The following ARHGAP44 variants were observed in gnomAD, a reference collection of about 807,000 sequenced individuals.
The protein encoded by ARHGAP44 is Rho GTPase activating protein 44.
Under a neutral mutation model 106.8 loss-of-function variants are expected in ARHGAP44, and 43 were observed. The ratio of observed to expected loss-of-function variants is 0.40; its 90% CI spans 0.32 to 0.52. The LOEUF is 0.52. Among genes scored for constraint, ARHGAP44 ranks in the 20% least tolerant of loss-of-function variants. The probability of loss-of-function intolerance (pLI) is 0.48; values close to 1 mark genes in which losing one functional copy is unlikely to be tolerated. For missense variants in ARHGAP44, 866 were observed against 1,050.5 expected, an observed-to-expected ratio of 0.82 and a Z score of 2.43; for synonymous variants, 439 against 410.3, an observed-to-expected ratio of 1.07 and a Z score of -0.85.
chr17:12,866,113 G>A (rs1407255383), intron 1 of ARHGAP44, among the ~76,000 whole-genome samples: 1 of 152,084 alleles, frequency 6.6e-6, no homozygotes, highest in African/African-American at 2.4e-5. Context: ...AATGGATCAG[G>A]GGAGAAGACT....
At chr17:12,839,168 A>G (rs2035323941) in intron 1 of ARHGAP44, among the ~76,000 whole-genome samples, 3 of 152,154 alleles carry the variant, frequency 2.0e-5, no homozygotes, top group Admixed American at 6.5e-5. Flanking sequence ...ACACAAGTGA[A>G]AGGAAGATTG....
intron 1 of ARHGAP44, among the ~76,000 whole-genome samples, chr17:12,802,955 ATATATATATATATATT>A (rs1397439426): frequency 1.4e-4 from 3 of 22,102 alleles, no homozygotes; most frequent in African/African-American, 5.9e-4. Flanking sequence ...ATATATATAT[ATATATATATATATATT>A]TTTTTTTTTT....
intron 3 of ARHGAP44, 103 bp from the exon 4 acceptor site, chr17:12,908,794 T>C (rs1023230244): frequency 1.9e-5 from 16 of 863,294 alleles, no homozygotes; most frequent in Non-Finnish European, 3.0e-5. Flanking sequence ...GCTTGTTTCA[T>C]AGTTAATATA....
At chr17:12,987,023 T>G (rs1454757233) in intron 20 of ARHGAP44, 1 of 334,356 alleles carries the variant, frequency 3.0e-6, no homozygotes, top group Non-Finnish European at 4.3e-6. Context: ...TGGCATAGCT[T>G]TTTTTTTTTT....
intron 1 of ARHGAP44, among the ~76,000 whole-genome samples, chr17:12,812,649 AT>A (rs2034473544): frequency 6.6e-6 from 1 of 152,204 alleles, no homozygotes; most frequent in African/African-American, 2.4e-5. Flanking sequence ...AAGAGAAATA[AT>A]TTCTGTATGG....
At chr17:12,810,450 A>G (rs2034404063) in intron 1 of ARHGAP44, among the ~76,000 whole-genome samples, 1 of 152,212 alleles carries the variant, frequency 6.6e-6, no homozygotes, top group Non-Finnish European at 1.5e-5. Context: ...TTATGCTAAT[A>G]TGGTGACTCA....
Position 12,949,610 on chromosome 17 carries a change from A to G in ARHGAP44, c.974-39A>G, listed in dbSNP as rs1262348015. On this transcript the variant is annotated intron_variant, in intron 11 of 20. Transcript: ENST00000379672. This position sits in a 1 kb window ranked among gnomAD's most constrained non-coding sequence, Gnocchi z 4.1. ...GGCTGGTGGGTCTTGCCTCTGCCAC[A>G]TCATAACAGTTCACAACCAATATTT... 6.2e-7 allele frequency: 1 copy of G among 1,603,182 alleles called. No individual in the cohort carries two copies. Among genetic ancestry groups the G allele is most frequent in the Non-Finnish European group, 8.5e-7 (1 of 1,170,970 alleles).
chr17:12,985,671 A>C (rs961109462), intron 20 of ARHGAP44: 4 of 152,214 alleles, frequency 2.6e-5, no homozygotes, highest in Middle Eastern at 3.2e-3. Context: ...CAACCACATA[A>C]GATTATAAAG....
intron 1 of ARHGAP44, among the ~76,000 whole-genome samples, chr17:12,828,162 A>G (rs1239190408): frequency 1.3e-5 from 2 of 152,106 alleles, no homozygotes; most frequent in Non-Finnish European, 2.9e-5. Flanking sequence ...AAATATTTCA[A>G]CCTAATAGAT....
At chr17:12,943,956 G>T in intron 9 of ARHGAP44, 113 bp from the exon 10 acceptor site, 1 of 1,379,356 alleles carries the variant, frequency 7.2e-7, no homozygotes, top group Non-Finnish European at 9.6e-7. Flanking sequence ...GCTCAATTGG[G>T]CCTCCCTCTC....
chr17:12,915,164 G>T (rs1205841736), intron 4 of ARHGAP44, among the ~76,000 whole-genome samples: 1 of 152,196 alleles, frequency 6.6e-6, no homozygotes, highest in Non-Finnish European at 1.5e-5. Flanking sequence ...TCAGCCTCCA[G>T]AGAAGCTGGG....
chr17:12,919,626 T>C, intron 5 of ARHGAP44, 129 bp from the exon 6 acceptor site: 1 of 628,566 alleles, frequency 1.6e-6, no homozygotes, highest in Non-Finnish European at 2.7e-6. Flanking sequence ...CCTCAGGTGA[T>C]CCACCTGCCT....
At position 12,908,789 on chromosome 17, in the gene ARHGAP44, T is replaced by C. The variant is rs2037637724; in HGVS notation, c.199-108T>C. 3.6e-6 allele frequency: 3 copies of C among 841,264 alleles called. No individual in the cohort carries two copies. The South Asian group carries it at 4.7e-5, about 13-fold the overall frequency. 52.1% of individuals were successfully genotyped at this position (841,264 alleles called of 1,614,324 possible). ...TTAAACCTATTTTAAAGTTAGCTTG[T>C]TTCATAGTTAATATAATACCTTGGC... On this transcript the variant is annotated intron_variant, in intron 3 of 20. Coordinates refer to ENST00000379672, the MANE Select transcript of ARHGAP44 (RefSeq NM_014859.6).
chr17:12,887,869 T>C (rs1264838202), intron 1 of ARHGAP44, among the ~76,000 whole-genome samples: 7 of 151,640 alleles, frequency 4.6e-5, no homozygotes, highest in South Asian at 4.2e-4. Context: ...CATTTTTGTT[T>C]TTTTTTTTTT....
At chr17:12,842,879 G>A (rs2150833164) in intron 1 of ARHGAP44, among the ~76,000 whole-genome samples, 1 of 152,252 alleles carries the variant, frequency 6.6e-6, no homozygotes, top group South Asian at 2.1e-4. Context: ...AACACTCTGG[G>A]TAACACACAT....
intron 6 of ARHGAP44, among the ~76,000 whole-genome samples, chr17:12,924,614 G>T (rs1406285208): frequency 6.6e-6 from 1 of 152,114 alleles, no homozygotes; most frequent in Admixed American, 6.6e-5. Context: ...CCCCCAATGC[G>T]ACTGTATCTG....
chr17:12,815,037 T>C (rs1314282591), intron 1 of ARHGAP44, among the ~76,000 whole-genome samples: 1 of 152,116 alleles, frequency 6.6e-6, no homozygotes. Flanking sequence ...TTGATTTTCC[T>C]TGAACCTCCC....
chr17:12,923,436 G>A (rs1283595282), intron 6 of ARHGAP44, among the ~76,000 whole-genome samples: 1 of 152,046 alleles, frequency 6.6e-6, no homozygotes, highest in Non-Finnish European at 1.5e-5. Context: ...GGCTGGTCTC[G>A]AACTCCTGAC....
At chr17:12,894,699 A>G (rs1040081251) in intron 1 of ARHGAP44, among the ~76,000 whole-genome samples, 3 of 138,148 alleles carry the variant, frequency 2.2e-5, no homozygotes, top group Non-Finnish European at 3.3e-5. Context: ...ATTTGTTGTC[A>G]TGAATCCAGG....
Sources: gnomAD v4.1 joint callset for allele counts (sites outside exome capture counted in the v4.1 genomes callset) on GRCh38, gnomAD v4.1.1 for gene constraint, Gnocchi (gnomAD v3.1) non-coding constraint, MANE v1.5 for transcripts, NCBI Gene and HGNC (gene_info 2026-07-23, HGNC 2026-07-21) for gene names.